Variants in CDH23 observed in about 807,000 individuals in gnomAD.
The protein encoded by CDH23 is cadherin-23.
A neutral mutation model predicts 317.1 loss-of-function variants in CDH23; 189 were observed. The ratio of observed to expected loss-of-function variants is 0.60; its 90% CI spans 0.53 to 0.67. The LOEUF is 0.67. CDH23 is among the 30% of genes least tolerant of loss of function. CDH23 has a pLI of 0.00. For missense variants in CDH23, 4,401 were observed against 4,592.4 expected (o/e 0.96, Z 1.20); for synonymous variants, 1,839 against 1,876.8 (o/e 0.98, Z 0.52).
intron 28 of CDH23, among the ~76,000 whole-genome samples, chr10:71,719,298 A>T (rs1263567085): frequency 6.6e-6 from 1 of 152,154 alleles, no homozygotes; most frequent in East Asian, 1.9e-4. Flanking sequence ...AAGGCCAGGA[A>T]TCATCTGGAG....
chr10:71,774,954 C>T (rs1840783357), intron 38 of CDH23, among the ~76,000 whole-genome samples: 1 of 152,152 alleles, frequency 6.6e-6, no homozygotes, highest in South Asian at 2.1e-4. Context: ...GGGAAGGCTA[C>T]AACAGAGGAA....
At chr10:71,635,586 G>A (rs895797999) in intron 11 of CDH23, among the ~76,000 whole-genome samples, 4 of 151,996 alleles carry the variant, frequency 2.6e-5, no homozygotes, top group African/African-American at 9.7e-5. Context: ...CGGAGAGGAG[G>A]GAGGGGAGGC....
At chr10:71,733,228 C>A (rs544559019) in intron 32 of CDH23, among the ~76,000 whole-genome samples, 1 of 152,208 alleles carries the variant, frequency 6.6e-6, no homozygotes, top group South Asian at 2.1e-4. Flanking sequence ...AAGAGACACA[C>A]AGAGCAAGGC....
In CDH23 at chr10:71,708,989, C is replaced by G. The variant is rs1349395157; in HGVS notation, c.3107-109C>G. Reference sequence around the variant, plus strand: ...CAGGGCCGAATCAGCAGCACAGCCTCCCACTCCTGGACTCACCATCGCGGG... The same window carrying G: ...CAGGGCCGAATCAGCAGCACAGCCTGCCACTCCTGGACTCACCATCGCGGG... On this transcript the variant is annotated intron_variant, in intron 26 of 69. Transcript: ENST00000224721. 5.2e-5 allele frequency: 50 copies of G among 970,820 alleles called. No homozygotes were observed. The East Asian group carries it at 1.3e-3, about 25-fold the overall frequency. 60.1% of individuals were successfully genotyped at this position (970,820 alleles called of 1,614,324 possible). A position where few individuals can be genotyped will look rare whatever the true frequency, so the allele number is the denominator to read the frequency against.
chr10:71,433,006 G>A (rs375501906), intron 1 of CDH23, among the ~76,000 whole-genome samples: 63 of 152,322 alleles, frequency 4.1e-4, no homozygotes, highest in Middle Eastern at 3.4e-3. Flanking sequence ...TTGTCCATGT[G>A]TTCATAGGCT....
At chr10:71,775,413 T>C (rs1840795581) in intron 38 of CDH23, among the ~76,000 whole-genome samples, 2 of 152,210 alleles carry the variant, frequency 1.3e-5, no homozygotes, top group East Asian at 3.9e-4. Context: ...CCCAGGGGGA[T>C]AGAGCCTCTG....
intron 19 of CDH23, among the ~76,000 whole-genome samples, chr10:71,688,482 G>T (rs1050416473): frequency 2.0e-5 from 3 of 151,478 alleles, no homozygotes; most frequent in Non-Finnish European, 4.4e-5. Flanking sequence ...GGAGCCAGGG[G>T]TCGTGGAGCC....
intron 11 of CDH23, among the ~76,000 whole-genome samples, chr10:71,630,420 C>T (rs2132551316): frequency 6.6e-6 from 1 of 152,222 alleles, no homozygotes; most frequent in South Asian, 2.1e-4. Flanking sequence ...TGCCGTCATT[C>T]AGATGGGGCC....
intron 1 of CDH23, among the ~76,000 whole-genome samples, chr10:71,418,121 T>C (rs888384621): frequency 1.3e-5 from 2 of 152,238 alleles, no homozygotes; most frequent in African/African-American, 4.8e-5. Context: ...TTAATCACTA[T>C]AATTTTTAAG....
Position 71,694,166 on chromosome 10 carries a change from T to C in CDH23, c.2196T>C (p.Ser732=). ...TGGCAGGGGAAATCACCACCACGTC[T>C]CTGCTTGACCGAGAGACCAAGTCTG... ...NARSGEITTT[S]LLDRETKSEY... is the part of the protein sequence containing the mutation. Residue 732 remains serine (S), a synonymous_variant, in exon 21 of 70, where the codon TCT becomes TCC. Transcript: ENST00000224721. 3.1e-6 allele frequency: 5 copies of C among 1,612,492 alleles called. No homozygotes were observed. Among genetic ancestry groups the C allele is most frequent in the Non-Finnish European group, 4.2e-6 (5 of 1,179,018 alleles).
intron 1 of CDH23, among the ~76,000 whole-genome samples, chr10:71,427,249 A>AAGAAAGAAAGAAAGAAAG (rs1564573016): frequency 1.5e-4 from 21 of 136,256 alleles, no homozygotes; most frequent in African/African-American, 5.7e-4. Flanking sequence ...AAGAAAGGGA[A>AAGAAAGAAAGAAAGAAAG]AGAAAGAAAG....
intron 3 of CDH23, among the ~76,000 whole-genome samples, chr10:71,484,826 CA>C (rs1852256962): frequency 6.6e-6 from 1 of 152,042 alleles, no homozygotes; most frequent in Non-Finnish European, 1.5e-5. Context: ...GGTTTTATTA[CA>C]AATAGGTGTT....
At chr10:71,736,830 A>G (rs148206887) in intron 34 of CDH23, among the ~76,000 whole-genome samples, 1 of 152,314 alleles carries the variant, frequency 6.6e-6, no homozygotes, top group Admixed American at 6.5e-5. Flanking sequence ...TGATCAAATG[A>G]TCACAGCAGT....
intron 38 of CDH23, chr10:71,755,443 T>C (rs1466694118): frequency 6.2e-7 from 1 of 1,612,878 alleles, no homozygotes; most frequent in African/African-American, 1.3e-5. Flanking sequence ...CAGGCACCCG[T>C]AGCCAGGGCT....
At chr10:71,581,478 G>A (rs901046845) in intron 9 of CDH23, among the ~76,000 whole-genome samples, 3 of 152,204 alleles carry the variant, frequency 2.0e-5, no homozygotes, top group Admixed American at 6.5e-5. Flanking sequence ...CCAGTCCCCT[G>A]AGGCCCTGTC....
intron 61 of CDH23, 86 bp from the exon 62 acceptor site, chr10:71,810,386 G>A: frequency 2.4e-6 from 3 of 1,232,328 alleles, no homozygotes; most frequent in Non-Finnish European, 3.6e-6. Context: ...GCAGGGAAGG[G>A]CAGAAGGGGT....
At chr10:71,441,354 C>T (rs1849870445) in intron 2 of CDH23, among the ~76,000 whole-genome samples, 1 of 152,118 alleles carries the variant, frequency 6.6e-6, no homozygotes, top group African/African-American at 2.4e-5. Flanking sequence ...TCAGCCTCCC[C>T]GGGGACTCTG....
rs1409374294 is a variant in CDH23 at position 71,779,199 on chromosome 10, G to A, written c.5188-68G>A. 2.7e-6 allele frequency: 4 copies of A among 1,454,582 alleles called. No individual in the cohort carries two copies. The Admixed American group carries it at 5.2e-5, about 19-fold the overall frequency. The allele number at this position is 1,454,582 out of a possible 1,614,324, so 90.1% of individuals were successfully genotyped here. A position where few individuals can be genotyped will look rare whatever the true frequency, so the allele number is the denominator to read the frequency against. ...GAATTATCAGGTCCATTTCACAGAG[G>A]AAGGAACTGAGGCCCAGCACAAAGC... On this transcript the variant is annotated intron_variant, in intron 40 of 69. Coordinates refer to ENST00000224721, the MANE Select transcript of CDH23 (RefSeq NM_022124.6).
Position 71,679,512 on chromosome 10 carries a change from CG to C in CDH23, c.1858+24del. On this transcript the variant is annotated intron_variant, in intron 17 of 69. Transcript: ENST00000224721. The stretch of plus-strand genomic sequence containing the variant: ...ATGGAGGTAGGTGTGGGGCAGAACT[CG>C]GGGCCCAGCCAGGAGGAGGGCTGGG... 6.4e-7 allele frequency: 1 copy of C among 1,573,094 alleles called. No homozygotes were observed. The highest frequency in any genetic ancestry group is 8.7e-7 in the Non-Finnish European group (1 of 1,152,490).
Sources: allele counts gnomAD v4.1 joint callset (sites outside exome capture counted in the v4.1 genomes callset), GRCh38; gene constraint gnomAD v4.1.1; transcripts MANE v1.5; gene names NCBI Gene and HGNC (gene_info 2026-07-23, HGNC 2026-07-21).